The following MAMDC4 variants were observed in gnomAD, a reference collection of about 807,000 sequenced individuals.
The protein encoded by MAMDC4 is apical endosomal glycoprotein.
Under a neutral mutation model 153.3 loss-of-function variants are expected in MAMDC4, and 168 were observed. That is an observed-to-expected ratio of 1.10 (90% CI 0.97 to 1.25). MAMDC4 has a LOEUF of 1.25. Among genes scored for constraint, MAMDC4 ranks in the 50% most tolerant of loss-of-function variants. The probability of loss-of-function intolerance (pLI) is 0.00; values close to 1 mark genes in which losing one functional copy is unlikely to be tolerated. For missense variants in MAMDC4, 1,701 were observed against 1,542.8 expected (o/e 1.10, Z -1.72); for synonymous variants, 744 against 651.5 (o/e 1.14, Z -2.16).
At position 136,855,482 on chromosome 9, in the gene MAMDC4, A is replaced by G. The variant is rs765949289; in HGVS notation, c.1334A>G (p.Gln445Arg). 3.7e-6 allele frequency: 6 copies of G among 1,603,274 alleles called. No individual in the cohort carries two copies. The highest frequency in any genetic ancestry group is 1.3e-5 in the African/African-American group (1 of 74,814). The change falls in exon 12 of 27, where the codon CAG (glutamine) becomes CGG (arginine). Residue 445 changes from glutamine (Q) to arginine (R), a missense_variant. By Grantham distance (43) the Gln-to-Arg change is conservative. Coordinates refer to ENST00000317446, the MANE Select transcript of MAMDC4 (RefSeq NM_206920.3). ...CCTGGGCCCCGGGCCCCAGCCCCCC[A>G]GCCCCTGCCGCCCAGCTCGCGGCTC... ...LPPGPRAPAP[Q>R]PLPPSSRLQD...
In MAMDC4 at chr9:136,855,435, G is replaced by A. The variant is rs1848989905; in HGVS notation, c.1287G>A (p.Val429=). Residue 429 remains valine, a synonymous_variant, in exon 12 of 27, where the codon GTG becomes GTA. Coordinates refer to ENST00000317446, the MANE Select transcript of MAMDC4 (RefSeq NM_206920.3). ...LSDHCRPVSE[V]STLQPLPPGP... ...ACACCAGTTCTGCCCCCACAGAGGT[G>A]TCCACCCTGCAGCCGCTGCCTCCTG... is the stretch of plus-strand genomic sequence containing the variant. 2 of 1,609,448 alleles carry A rather than the reference G, an allele frequency of 1.2e-6. No homozygotes were observed. Among genetic ancestry groups the A allele is most frequent in the Non-Finnish European group, 1.7e-6 (2 of 1,178,378 alleles).
At chr9:136,857,926 G>T in intron 19 of MAMDC4, 53 bp from the exon 20 acceptor site, 1 of 1,472,358 alleles carries the variant, frequency 6.8e-7, no homozygotes. Context: ...GCTCAGACCA[G>T]GGCCTGCAGG....
Position 136,852,391 on chromosome 9 carries a change from G to A in MAMDC4, c.-26G>A. On this transcript the variant is annotated 5_prime_UTR_variant, in exon 1 of 27. Coordinates refer to ENST00000317446, the MANE Select transcript of MAMDC4 (RefSeq NM_206920.3). ...CGGAACTTCCCAGGCACCCTGTGTG[G>A]CCGCACTGCTCCCTCTGGCCCAACC... 6.2e-7 allele frequency: 1 copy of A among 1,607,878 alleles called. No homozygotes were observed. The highest frequency in any genetic ancestry group is 1.3e-5 in the African/African-American group (1 of 75,062).
At chr9:136,856,383 TGAG>T (rs764305519) in intron 14 of MAMDC4, 10 of 834,338 alleles carry the variant, frequency 1.2e-5, no homozygotes, top group Non-Finnish European at 2.1e-5. Context: ...CCCTTCCGGG[TGAG>T]GAGGGCAGCC....
At position 136,858,518 on chromosome 9, in the gene MAMDC4, T is replaced by C. The variant is rs1194591745; in HGVS notation, c.2793T>C (p.Pro931=). The C allele has an allele frequency of 6.3e-7, 1 of 1,596,822 alleles. No homozygotes were observed. Among genetic ancestry groups the C allele is most frequent in the South Asian group, 1.1e-5 (1 of 89,126 alleles). Residue 931 remains proline (P), a synonymous_variant, in exon 22 of 27, where the codon CCT becomes CCC. Transcript: ENST00000317446. ...GATPSRYPQP[P]VDHTLGTEAG... The stretch of plus-strand genomic sequence containing the variant: ...CCCCCTCTCGTTACCCCCAGCCCCC[T>C]GTGGACCACACCCTGGGCACAGAGG...
Position 136,860,698 on chromosome 9 carries a change from C to A in MAMDC4, c.*95C>A. 7.3e-7 allele frequency: 1 copy of A among 1,372,468 alleles called. No homozygotes were observed. Among genetic ancestry groups the A allele is most frequent in the Non-Finnish European group, 1.0e-6 (1 of 969,732 alleles). The allele number at this position is 1,372,468 out of a possible 1,614,324, so 85.0% of individuals were successfully genotyped here. On this transcript the variant is annotated 3_prime_UTR_variant, in exon 27 of 27. Transcript: ENST00000317446. ...GACACCTGCCCCGCCCAGGCTGGGA[C>A]AGGCTGCAGGTCTCAGGATATGCTG...
rs551209503 is a variant in MAMDC4 at position 136,854,932 on chromosome 9, C to T, written c.1024-5C>T. 6 of 1,611,980 alleles carry T rather than the reference C, an allele frequency of 3.7e-6. No homozygotes were observed. In the Admixed American group the frequency reaches 6.7e-5, roughly 18 times the overall value. ...CAGGCCCCCAGCCAGCTCTTGGTTC[C>T]ACAGCTGGTCTTCTATCAGTACCTG... is the stretch of plus-strand genomic sequence containing the variant. On this transcript the variant is annotated splice_region_variant and splice_polypyrimidine_tract_variant and intron_variant, in intron 9 of 26. Transcript: ENST00000317446.
Position 136,857,768 on chromosome 9 carries a change from C to T in MAMDC4, c.2436C>T (p.Phe812=), listed in dbSNP as rs773074399. The part of the protein sequence containing the change: ...RPLAQPACLT[F]WYHGSLRSPG... ...TGGCCCAGCCTGCTTGTCTGACCTTCTGGTACCACGGGAGCCTCCGCAGCC... is the reference window on the plus strand; with the variant it reads ...TGGCCCAGCCTGCTTGTCTGACCTTTTGGTACCACGGGAGCCTCCGCAGCC... Residue 812 remains phenylalanine, a synonymous_variant, in exon 19 of 27, where the codon TTC becomes TTT. Transcript: ENST00000317446. 2.5e-6 allele frequency: 4 copies of T among 1,612,612 alleles called. No homozygotes were observed. The East Asian group carries it at 6.7e-5, about 27-fold the overall frequency.
chr9:136,858,799 A>C lies in MAMDC4; in HGVS notation c.2902A>C (p.Thr968Pro). Residue 968 changes from threonine to proline, a missense_variant, in exon 23 of 27, where the codon ACC (threonine) becomes CCC (proline). By Grantham distance (38) the Thr-to-Pro change is conservative (BLOSUM62 -1). Transcript: ENST00000317446. ...AWLRSEPLPA[T>P]PASCLRFWYH... ...GCTGCGCAGCGAGCCTCTGCCGGCC[A>C]CCCCAGCCTCCTGCCTCCGCTTCTG... 6.2e-7 allele frequency: 1 copy of C among 1,610,320 alleles called. No individual in the cohort carries two copies. The highest frequency in any genetic ancestry group is 8.5e-7 in the Non-Finnish European group (1 of 1,178,754).
chr9:136,858,285 C>T lies in MAMDC4; in HGVS notation c.2674+9C>T. 1 of 1,601,176 alleles carries T rather than the reference C, an allele frequency of 6.2e-7. No homozygotes were observed. The highest frequency in any genetic ancestry group is 8.5e-7 in the Non-Finnish European group (1 of 1,179,314). ...GCCCTGCCCTCAGCCAGGTGGGAGCCCTGCCGTGGCCTCGGCCCTGCTCTG... is the reference window on the plus strand; with the variant it reads ...GCCCTGCCCTCAGCCAGGTGGGAGCTCTGCCGTGGCCTCGGCCCTGCTCTG... On this transcript the variant is annotated intron_variant, in intron 21 of 26. Transcript: ENST00000317446.
chr9:136,856,126 A>C lies in MAMDC4; in HGVS notation c.1697A>C (p.Tyr566Ser), dbSNP rs755020479. 2 of 1,612,248 alleles carry C rather than the reference A, an allele frequency of 1.2e-6. No individual in the cohort carries two copies. Among genetic ancestry groups the C allele is most frequent in the East Asian group, 2.2e-5 (1 of 44,850 alleles). Residue 566 changes from tyrosine (Y) to serine (S), a missense_variant, in exon 14 of 27, where the codon TAT (tyrosine) becomes TCT (serine). Physicochemically the swap from Tyr to Ser is moderately radical, Grantham distance 144 (BLOSUM62 -2). Coordinates refer to ENST00000317446, the MANE Select transcript of MAMDC4 (RefSeq NM_206920.3). Reference sequence around the variant, plus strand: ...CCCAGCTGTGAACTCCACCTGGCTTATTATTTACAGAGCCAGCCCCGAGGT... The same window carrying C: ...CCCAGCTGTGAACTCCACCTGGCTTCTTATTTACAGAGCCAGCCCCGAGGT... ...SGPSCELHLAYYLQSQPREVS... is the reference protein window; with the variant it reads ...SGPSCELHLASYLQSQPREVS...
chr9:136,852,527 T>C, intron 1 of MAMDC4, 65 bp downstream of exon 1: 1 of 1,577,334 alleles, frequency 6.3e-7, no homozygotes, highest in Non-Finnish European at 8.6e-7. Context: ...CTACCATCTG[T>C]GTGGCAGTGA....
At position 136,855,614 on chromosome 9, in the gene MAMDC4, C is replaced by T; in HGVS notation, c.1466C>T (p.Ala489Val). Reference protein sequence around the residue: ...EQCAGGEDEQACGTTDFESPE... With the variant: ...EQCAGGEDEQVCGTTDFESPE... ...TGCGCAGGGGGCGAGGACGAGCAGG[C>T]CTGTGGTAAAGGGGCTCAACCTCCT... is the stretch of plus-strand genomic sequence containing the variant. The change falls in exon 12 of 27, where the codon GCC (alanine) becomes GTC (valine). Residue 489 changes from alanine to valine, a missense_variant. Physicochemically the swap from Ala to Val is moderately conservative, Grantham distance 64. Coordinates refer to ENST00000317446, the MANE Select transcript of MAMDC4 (RefSeq NM_206920.3). The T allele has an allele frequency of 6.3e-7, 1 of 1,577,838 alleles. No individual in the cohort carries two copies. The highest frequency in any genetic ancestry group is 8.6e-7 in the Non-Finnish European group (1 of 1,161,026).
chr9:136,854,232 C>T lies in MAMDC4; in HGVS notation c.692C>T (p.Pro231Leu), dbSNP rs376488335. 5.6e-5 allele frequency: 90 copies of T among 1,611,980 alleles called. No homozygotes were observed. Among genetic ancestry groups the T allele is most frequent in the East Asian group, 1.8e-4 (8 of 44,864 alleles). Residue 231 changes from proline (P) to leucine (L), a missense_variant, in exon 7 of 27, where the codon CCG (proline) becomes CTG (leucine). Pro to Leu is a moderately conservative substitution (Grantham distance 98). Transcript: ENST00000317446. ...GLPTPQANCPPGHHHCQNKVC... is the reference protein window; with the variant it reads ...GLPTPQANCPLGHHHCQNKVC... ...CCAGCCCCCCAGGCCAACTGTCCCC[C>T]GGGACACCACCACTGCCAGAACAAG...
chr9:136,858,973 C>T, intron 23 of MAMDC4, 32 bp from the exon 24 acceptor site: 4 of 1,508,924 alleles, frequency 2.7e-6, no homozygotes, highest in Non-Finnish European at 3.5e-6. Context: ...CCCCAGGACC[C>T]CAGGCCTGAC....
In MAMDC4 at chr9:136,853,432, C is replaced by G. The variant is rs761467290; in HGVS notation, c.302C>G (p.Ser101Ter). The G allele has an allele frequency of 6.2e-7, 1 of 1,602,480 alleles. No individual in the cohort carries two copies. Among genetic ancestry groups the G allele is most frequent in the African/African-American group, 1.3e-5 (1 of 74,794 alleles). The change falls in exon 3 of 27, where the codon TCA (serine) becomes TGA (stop). Residue 101 changes from serine to a stop codon, truncating the protein, a stop_gained. Transcript: ENST00000317446. LOFTEE classifies it high-confidence loss of function. ...GAALEGPGPH[S>*]DHTLGTDLGW... is the part of the protein sequence containing the mutation. The stretch of plus-strand genomic sequence containing the variant: ...GCACTGGAGGGTCCTGGGCCTCACT[C>G]AGACCACACACTGGGCACCGACTTG...
In MAMDC4 at chr9:136,857,304, G is replaced by A. The variant is rs1297225004; in HGVS notation, c.2106+6G>A. 3 of 1,605,280 alleles carry A rather than the reference G, an allele frequency of 1.9e-6. No homozygotes were observed. The Admixed American group carries it at 5.1e-5, about 27-fold the overall frequency. On this transcript the variant is annotated splice_donor_region_variant and intron_variant, in intron 17 of 26. Transcript: ENST00000317446. ...GCTCCCATGCCCAGTACCAGGTGAG[G>A]CCTGGCACCCGGGTGGGAGGACAGG... is the stretch of plus-strand genomic sequence containing the variant.
chr9:136,860,216 ACT>A (rs1337809146), intron 26 of MAMDC4, 152 bp downstream of exon 26: 4 of 967,344 alleles, frequency 4.1e-6, no homozygotes, highest in Non-Finnish European at 6.0e-6. Context: ...CCCAGCCACC[ACT>A]GTCAAAGCTC....
Position 136,855,948 on chromosome 9 carries a change from T to G in MAMDC4, c.1589-70T>G, listed in dbSNP as rs552651944. 4 of 1,555,748 alleles carry G rather than the reference T, an allele frequency of 2.6e-6. No individual in the cohort carries two copies. The East Asian group carries it at 9.0e-5, about 35-fold the overall frequency. On this transcript the variant is annotated intron_variant, in intron 13 of 26. Coordinates refer to ENST00000317446, the MANE Select transcript of MAMDC4 (RefSeq NM_206920.3). ...TCTGCACTACAGAGGGTCTCTGGAC[T>G]GGGGATCCCTGAGGGACAGAGTGGG...
Sources: allele counts gnomAD v4.1 joint callset, GRCh38; gene constraint gnomAD v4.1.1; transcripts MANE v1.5; gene names NCBI Gene and HGNC (gene_info 2026-07-23, HGNC 2026-07-21).